The following CHD9 variants were observed in gnomAD, a reference collection of about 807,000 sequenced individuals.
CHD9 encodes chromodomain helicase DNA binding protein 9.
In CHD9, 77 loss-of-function variants were observed where a neutral mutation model predicts 316.1. The ratio of observed to expected loss-of-function variants is 0.24; its 90% CI spans 0.20 to 0.29. CHD9 has a LOEUF of 0.29. Among genes scored for constraint, CHD9 ranks in the 10% least tolerant of loss-of-function variants. The pLI is 1.00. For synonymous variants in CHD9, 1,129 were observed against 1,158.3 expected, an observed-to-expected ratio of 0.97 and a Z score of 0.51; for missense variants, 2,763 against 3,438.1, an observed-to-expected ratio of 0.80 and a Z score of 4.91.
chr16:53,108,815 C>T (rs189129002), intron 1 of CHD9, among the ~76,000 whole-genome samples: 29 of 151,910 alleles, frequency 1.9e-4, no homozygotes, highest in Admixed American at 1.1e-3. Flanking sequence ...GCGGAGGTTG[C>T]AGTGAGCTGA....
At chr16:53,109,883 A>G (rs1387001944) in intron 1 of CHD9, among the ~76,000 whole-genome samples, 2 of 149,562 alleles carry the variant, frequency 1.3e-5, no homozygotes, top group Admixed American at 6.7e-5. Context: ...ACGGGGTTTC[A>G]CCATTTTAGC....
intron 1 of CHD9, among the ~76,000 whole-genome samples, chr16:53,090,043 T>A (rs2035802828): frequency 6.6e-6 from 1 of 152,208 alleles, no homozygotes; most frequent in South Asian, 2.1e-4. Flanking sequence ...TTTGCCAGGA[T>A]GTGGAGGGAG....
In CHD9 at chr16:53,134,047, G is replaced by A. The variant is rs181196006; in HGVS notation, c.-164-21879G>A. On this transcript the variant is annotated intron_variant, in intron 1 of 38. Transcript: ENST00000447540. ...TGATCGAAATGTCATAGAAAAAAAA[G>A]CTTACCTCCGTAAATAACAGAGAAG... 2.1e-3 allele frequency among the ~76,000 whole-genome samples: 326 copies of A among 152,214 alleles called. 2 individuals carry two copies. Among genetic ancestry groups the A allele is most frequent in the African/African-American group, 7.6e-3 (315 of 41,544 alleles).
chr16:53,308,616 A>T, intron 33 of CHD9, 70 bp from the exon 34 acceptor site: 2 of 1,165,626 alleles, frequency 1.7e-6, no homozygotes, highest in Non-Finnish European at 1.2e-6. Flanking sequence ...CAGTAAAAAA[A>T]TTCTCTTAAT....
At chr16:53,256,842 TTCTTTA>T (rs1279609088) in intron 19 of CHD9, among the ~76,000 whole-genome samples, 1 of 152,154 alleles carries the variant, frequency 6.6e-6, no homozygotes, top group Non-Finnish European at 1.5e-5. Flanking sequence ...CCAGAAGTTT[TTCTTTA>T]TCTTTATGGG....
At chr16:53,305,769 T>C (rs1387518911) in intron 31 of CHD9, among the ~76,000 whole-genome samples, 1 of 152,188 alleles carries the variant, frequency 6.6e-6, no homozygotes, top group Non-Finnish European at 1.5e-5. Flanking sequence ...CTGGGGTCTC[T>C]TGTAACAACT....
intron 1 of CHD9, among the ~76,000 whole-genome samples, chr16:53,077,241 G>GCTTC (rs1259321593): frequency 6.6e-6 from 1 of 151,930 alleles, no homozygotes. Context: ...GCCTGCCTTG[G>GCTTC]CTTCCCAAAG....
chr16:53,221,921 A>G (rs1037349825), intron 3 of CHD9, among the ~76,000 whole-genome samples: 1 of 152,208 alleles, frequency 6.6e-6, no homozygotes, highest in Middle Eastern at 3.2e-3. Flanking sequence ...AAAATCTGTC[A>G]TTGGAAATCT....
At chr16:53,249,012 C>T (rs930885170) in intron 16 of CHD9, among the ~76,000 whole-genome samples, 19 of 151,936 alleles carry the variant, frequency 1.3e-4, no homozygotes, top group Non-Finnish European at 8.8e-5. Context: ...TCATGTGATA[C>T]GAACATTAAG....
chr16:53,193,750 A>G (rs566751312), intron 2 of CHD9, among the ~76,000 whole-genome samples: 3 of 152,176 alleles, frequency 2.0e-5, no homozygotes, highest in South Asian at 2.1e-4. Flanking sequence ...TACTGTTCTG[A>G]AATCCTTTAG....
At chr16:53,254,797 G>C in intron 18 of CHD9, 192 bp downstream of exon 18, 1 of 395,530 alleles carries the variant, frequency 2.5e-6, no homozygotes, top group African/African-American at 2.0e-5. Context: ...TAGCTCCAGA[G>C]CTTATGAATT....
At chr16:53,131,687 C>T (rs2039327222) in intron 1 of CHD9, among the ~76,000 whole-genome samples, 2 of 152,012 alleles carry the variant, frequency 1.3e-5, no homozygotes, top group Non-Finnish European at 2.9e-5. Context: ...TCCCGACGGT[C>T]GGGCTTCCCT....
intron 2 of CHD9, among the ~76,000 whole-genome samples, chr16:53,180,775 C>A (rs2043442940): frequency 6.6e-6 from 1 of 152,044 alleles, no homozygotes; most frequent in Admixed American, 6.5e-5. Context: ...CAGGTTCACG[C>A]CATTCTTCTG....
intron 22 of CHD9, among the ~76,000 whole-genome samples, chr16:53,270,449 GTTAAA>G (rs1461562051): frequency 6.6e-6 from 1 of 152,024 alleles, no homozygotes. Context: ...AGATACCTCT[GTTAAA>G]TTAAATTTAG....
intron 2 of CHD9, among the ~76,000 whole-genome samples, chr16:53,157,846 A>G (rs549528890): frequency 8.5e-5 from 13 of 152,332 alleles, no homozygotes; most frequent in Non-Finnish European, 1.2e-4. Flanking sequence ...CTTAATAATC[A>G]TAATTAAAAG....
At position 53,215,987 on chromosome 16, in the gene CHD9, C is replaced by G. The variant is rs939951684; in HGVS notation, c.1784+6174C>G. Among the ~76,000 whole-genome samples, 7 of 152,056 alleles carry G rather than the reference C, an allele frequency of 4.6e-5. No homozygotes were observed. In the South Asian group the frequency reaches 1.5e-3, roughly 32 times the overall value. ...TATGTTTTGATATTTAGGTTTTTTC[C>G]TTGCCTGAGTATCTGTTGCTACATT... On this transcript the variant is annotated intron_variant, in intron 3 of 38. Transcript: ENST00000447540.
intron 1 of CHD9, among the ~76,000 whole-genome samples, chr16:53,138,764 TAC>T (rs1236548352): frequency 6.6e-6 from 1 of 152,238 alleles, no homozygotes; most frequent in Non-Finnish European, 1.5e-5. Context: ...CCTTTGAAAG[TAC>T]ACATTTATGG....
At chr16:53,132,970 G>T (rs972112510) in intron 1 of CHD9, among the ~76,000 whole-genome samples, 8 of 151,778 alleles carry the variant, frequency 5.3e-5, no homozygotes, top group African/African-American at 1.9e-4. Context: ...CACCACGCCC[G>T]GCCGTTTCTT....
At chr16:53,099,751 ACCTATATT>A (rs1277007569) in intron 1 of CHD9, among the ~76,000 whole-genome samples, 10 of 151,890 alleles carry the variant, frequency 6.6e-5, no homozygotes, top group African/African-American at 2.4e-4. Flanking sequence ...GAGCACCTTG[ACCTATATT>A]CCGTTCTCTC....
Sources: allele counts gnomAD v4.1 joint callset (sites outside exome capture counted in the v4.1 genomes callset), GRCh38; gene constraint gnomAD v4.1.1; transcripts MANE v1.5; gene names NCBI Gene and HGNC (gene_info 2026-07-23, HGNC 2026-07-21).